Variants in SCOC observed in about 807,000 individuals in gnomAD.
The protein encoded by SCOC is short coiled-coil protein.
A neutral mutation model predicts 9.9 loss-of-function variants in SCOC; 7 were observed. That is an observed-to-expected ratio of 0.71 (90% confidence interval 0.40 to 1.33). SCOC has a LOEUF of 1.33. SCOC is among the 40% of genes most tolerant of loss of function. The pLI is 0.01. For missense variants in SCOC, 66 were observed against 89.7 expected (o/e 0.74, Z 1.07); for synonymous variants, 19 against 28.2 (o/e 0.67, Z 1.03).
rs558094522 is a variant in SCOC, at chr4:140,306,153, C to T, written c.-18-37468C>T. Among the ~76,000 whole-genome samples the T allele has an allele frequency of 5.3e-5, 8 of 152,116 alleles. No individual in the cohort carries two copies. The South Asian group carries it at 6.2e-4, about 12-fold the overall frequency. Reference sequence around the variant, plus strand: ...GGCTGGGGAGGTCTCACAATGGTGGCGGAAGGTGAATGAGGATCATAGTCA... The same window carrying T: ...GGCTGGGGAGGTCTCACAATGGTGGTGGAAGGTGAATGAGGATCATAGTCA... On this transcript the variant is annotated intron_variant, in intron 1 of 4. Coordinates refer to the SCOC transcript ENST00000394205.
At chr4:140,346,194 T>C (rs912766485) in intron 2 of SCOC, among the ~76,000 whole-genome samples, 31 of 152,080 alleles carry the variant, frequency 2.0e-4, no homozygotes, top group Non-Finnish European at 3.2e-4. Flanking sequence ...TTTGGTAGAT[T>C]GTTGGAGCTG....
intron 1 of SCOC, among the ~76,000 whole-genome samples, chr4:140,334,086 A>G (rs916700796): frequency 1.3e-5 from 2 of 152,060 alleles, no homozygotes; most frequent in Non-Finnish European, 2.9e-5. Flanking sequence ...CAGCTAATTA[A>G]AAAAATCTTT....
At chr4:140,345,312 CA>C (rs1330270394) in intron 2 of SCOC, among the ~76,000 whole-genome samples, 1 of 152,116 alleles carries the variant, frequency 6.6e-6, no homozygotes, top group Non-Finnish European at 1.5e-5. Flanking sequence ...TCTCAGTGCA[CA>C]AAAGGCCTTT....
Position 140,279,867 on chromosome 4 carries a change from C to G in SCOC, c.-19+22457C>G, listed in dbSNP as rs1323492016. Among the ~76,000 whole-genome samples the G allele has an allele frequency of 2.6e-4, 40 of 152,170 alleles. 1 individual carries two copies. Among genetic ancestry groups the G allele is most frequent in the Admixed American group, 2.5e-3 (38 of 15,272 alleles). ...GGCTCAGTGGTGTCAGCAACCCAGA[C>G]TTCTTGTATCTTCTTGCTCTGCCAT... is the stretch of plus-strand genomic sequence containing the variant. On this transcript the variant is annotated intron_variant, in intron 1 of 4. Coordinates refer to the SCOC transcript ENST00000394205.
At chr4:140,293,605 T>C (rs191363648) in intron 1 of SCOC, among the ~76,000 whole-genome samples, 3 of 152,360 alleles carry the variant, frequency 2.0e-5, no homozygotes, top group South Asian at 2.1e-4. Flanking sequence ...AAAGCCATAG[T>C]TGCTGAGTAG....
intron 1 of SCOC, among the ~76,000 whole-genome samples, chr4:140,296,434 C>G (rs1731638627): frequency 6.6e-6 from 1 of 152,152 alleles, no homozygotes; most frequent in Non-Finnish European, 1.5e-5. Flanking sequence ...AAAACAAATA[C>G]AGTTCCCCAG....
At chr4:140,366,527 C>A in intron 2 of SCOC, 1 of 1,575,296 alleles carries the variant, frequency 6.3e-7, no homozygotes. Context: ...GCCTTCATAA[C>A]TTTAAAATGA....
At chr4:140,361,548 A>G (rs922777002) in intron 2 of SCOC, among the ~76,000 whole-genome samples, 3 of 152,178 alleles carry the variant, frequency 2.0e-5, no homozygotes, top group Non-Finnish European at 4.4e-5. Context: ...AGTCCCAGCT[A>G]TTTGAGAGGC....
chr4:140,362,273 C>CTCTTCTTCTTCTTCTTCTTTTCTT, intron 2 of SCOC, among the ~76,000 whole-genome samples: 1 of 29,094 alleles, frequency 3.4e-5, no homozygotes, highest in African/African-American at 1.2e-4. Context: ...ACAGGTGTGT[C>CTCTTCTTCTTCTTCTTCTTTTCTT]CTTACTTCTT....
chr4:140,362,099 T>C (rs1017539751), intron 2 of SCOC, among the ~76,000 whole-genome samples: 1 of 111,672 alleles, frequency 9.0e-6, no homozygotes, highest in African/African-American at 3.1e-5. Flanking sequence ...GTAGCAAGGC[T>C]TTCTTTAGTT....
intron 1 of SCOC, among the ~76,000 whole-genome samples, chr4:140,378,553 A>AC (rs1390603284): frequency 1.3e-5 from 2 of 152,078 alleles, no homozygotes; most frequent in African/African-American, 4.8e-5. Flanking sequence ...ACTTGGCAAG[A>AC]CCCTCATTTC....
upstream of SCOC, among the ~76,000 whole-genome samples, chr4:140,338,490 G>A (rs1726359243): frequency 3.3e-5 from 5 of 152,162 alleles, no homozygotes; most frequent in South Asian, 1.0e-3. Flanking sequence ...ATTCAATCAG[G>A]AAAAGAGGAA....
intron 2 of SCOC, among the ~76,000 whole-genome samples, chr4:140,365,236 C>A (rs1402755484): frequency 6.7e-6 from 1 of 149,244 alleles, no homozygotes; most frequent in African/African-American, 2.5e-5. Flanking sequence ...AATGTAAGAG[C>A]TAACAGATAC....
chr4:140,278,621 G>A (rs898214080), intron 1 of SCOC, among the ~76,000 whole-genome samples: 4 of 152,170 alleles, frequency 2.6e-5, no homozygotes, highest in African/African-American at 9.7e-5. Context: ...CAAGGGTGGA[G>A]CCTTCATGAC....
chr4:140,374,866 A>C (rs146717917), intron 1 of SCOC, among the ~76,000 whole-genome samples: 1 of 152,224 alleles, frequency 6.6e-6, no homozygotes, highest in African/African-American at 2.4e-5. Context: ...TCTGAAATTT[A>C]GTGTCCATAT....
At chr4:140,321,606 T>G (rs981696872) in intron 1 of SCOC, among the ~76,000 whole-genome samples, 3 of 152,034 alleles carry the variant, frequency 2.0e-5, no homozygotes, top group Non-Finnish European at 4.4e-5. Flanking sequence ...ATTAATGAAG[T>G]GGAATATAGG....
chr4:140,333,572 T>C (rs748254749), intron 1 of SCOC, among the ~76,000 whole-genome samples: 10 of 152,178 alleles, frequency 6.6e-5, no homozygotes, highest in Non-Finnish European at 1.3e-4. Context: ...GTTGAATTAA[T>C]GTTGACTGAA....
In SCOC at chr4:140,366,293, C is replaced by T. The variant is rs1483181446; in HGVS notation, c.71-12828C>T. On this transcript the variant is annotated intron_variant, in intron 2 of 4. Coordinates refer to the SCOC transcript ENST00000338517. The stretch of plus-strand genomic sequence containing the variant: ...TCTGGGCTGGAGCTTTTTGACCCTT[C>T]TGAGCTTTTGGAGGAGGCGCTGCCT... 8 of 1,438,598 alleles carry T rather than the reference C, an allele frequency of 5.6e-6. No homozygotes were observed. In the African/African-American group the frequency reaches 1.0e-4, roughly 18 times the overall value. 89.1% of individuals were successfully genotyped at this position (1,438,598 alleles called of 1,614,324 possible). A position where few individuals can be genotyped will look rare whatever the true frequency, so the allele number is the denominator to read the frequency against.
At chr4:140,260,656 T>C (rs771079375) in intron 1 of SCOC, among the ~76,000 whole-genome samples, 4 of 152,222 alleles carry the variant, frequency 2.6e-5, no homozygotes, top group Non-Finnish European at 5.9e-5. Context: ...TTTGCTGAAC[T>C]TCTACAGTGT....
Sources: gnomAD v4.1 joint callset for allele counts (sites outside exome capture counted in the v4.1 genomes callset) on GRCh38, gnomAD v4.1.1 for gene constraint, MANE v1.5 for transcripts, NCBI Gene and HGNC (gene_info 2026-07-23, HGNC 2026-07-21) for gene names.